Variants in GTF2H1 observed in about 807,000 individuals in gnomAD.
The protein encoded by GTF2H1 is general transcription factor IIH subunit 1, also known as BTF2 p62.
GTF2H1 carries 16 observed loss-of-function variants against 71.2 expected under a neutral mutation model. The observed-to-expected ratio is 0.22, with a 90% confidence interval of 0.15 to 0.34. GTF2H1 has a LOEUF of 0.34. GTF2H1 is among the 10% of genes least tolerant of loss of function. GTF2H1 has a pLI of 1.00. For missense variants in GTF2H1, 498 were observed against 648.2 expected, an observed-to-expected ratio of 0.77 and a Z score of 2.52; for synonymous variants, 215 against 219.0, an observed-to-expected ratio of 0.98 and a Z score of 0.16.
At chr11:18,340,252 C>A (rs527936956) in intron 5 of GTF2H1, among the ~76,000 whole-genome samples, 12 of 151,908 alleles carry the variant, frequency 7.9e-5, no homozygotes, top group Non-Finnish European at 1.5e-4. Flanking sequence ...GCAAGGGGTT[C>A]AAGACTAGCC....
In GTF2H1 at chr11:18,356,794, T is replaced by G. The variant is rs1391809605; in HGVS notation, c.1261-1158T>G. Among the ~76,000 whole-genome samples the G allele has an allele frequency of 6.2e-5, 9 of 146,128 alleles. No individual in the cohort carries two copies. The South Asian group carries it at 7.0e-4, about 11-fold the overall frequency. Reference sequence around the variant, plus strand: ...ACACTGTAGTCAATCTTTGTTTTTTTTTTTTTTTTTTTGCAGTCAGGGTCT... The same window carrying G: ...ACACTGTAGTCAATCTTTGTTTTTTGTTTTTTTTTTTTGCAGTCAGGGTCT... On this transcript the variant is annotated intron_variant, in intron 11 of 14. Coordinates refer to ENST00000265963, the MANE Select transcript of GTF2H1 (RefSeq NM_005316.4).
intron 1 of GTF2H1, among the ~76,000 whole-genome samples, chr11:18,329,746 T>G (rs546960583): frequency 1.9e-4 from 29 of 152,344 alleles, no homozygotes; most frequent in Admixed American, 5.2e-4. Context: ...CTCTGACACC[T>G]GTTTCCCTTT....
intron 3 of GTF2H1, among the ~76,000 whole-genome samples, chr11:18,337,639 A>T (rs1428453053): frequency 6.6e-6 from 1 of 152,182 alleles, no homozygotes; most frequent in Non-Finnish European, 1.5e-5. Context: ...TAATACAAAT[A>T]AAAATATAAC....
rs1865599281 is a variant in GTF2H1, at chr11:18,357,941, A to G, written c.1261-11A>G. 2 of 1,572,894 alleles carry G rather than the reference A, an allele frequency of 1.3e-6. No individual in the cohort carries two copies. Among genetic ancestry groups the G allele is most frequent in the Admixed American group, 1.7e-5 (1 of 59,536 alleles). On this transcript the variant is annotated splice_polypyrimidine_tract_variant and intron_variant, in intron 11 of 14. Transcript: ENST00000265963. ...GGAAAACCAGTTTTAATGCATCTTC[A>G]TTTTTTTCAGGTTCTCTCAAGTAGT...
chr11:18,326,606 A>G (rs535530767), intron 1 of GTF2H1, among the ~76,000 whole-genome samples: 2 of 151,972 alleles, frequency 1.3e-5, no homozygotes, highest in East Asian at 1.9e-4. Context: ...TTCTGTCTTC[A>G]TGCATTTTTT....
intron 1 of GTF2H1, chr11:18,324,290 C>A (rs1864701659): frequency 6.6e-6 from 1 of 152,056 alleles, no homozygotes; most frequent in South Asian, 2.1e-4. Context: ...AGCAGTGCAA[C>A]AGATTGGTAA....
intron 14 of GTF2H1, among the ~76,000 whole-genome samples, chr11:18,363,916 T>C (rs1454773004): frequency 6.6e-6 from 1 of 151,878 alleles, no homozygotes; most frequent in Non-Finnish European, 1.5e-5. Flanking sequence ...CTACTAAAAA[T>C]ACAAAAAATT....
intron 2 of GTF2H1, 63 bp downstream of exon 2, chr11:18,333,291 G>T: frequency 3.3e-6 from 4 of 1,201,106 alleles, no homozygotes; most frequent in Non-Finnish European, 4.7e-6. Flanking sequence ...ATTTTGTAAA[G>T]AGATTATATA....
chr11:18,333,299 A>G (rs1490650520), intron 2 of GTF2H1, 71 bp downstream of exon 2: 9 of 1,091,554 alleles, frequency 8.2e-6, no homozygotes, highest in African/African-American at 1.6e-5. Flanking sequence ...AAGAGATTAT[A>G]TAAATCTTTA....
chr11:18,356,377 C>CAAA (rs771914874), intron 11 of GTF2H1, among the ~76,000 whole-genome samples: 1 of 76,954 alleles, frequency 1.3e-5, no homozygotes, highest in Non-Finnish European at 2.9e-5. Flanking sequence ...GACTCTGTCT[C>CAAA]AAAAAAAAAA....
chr11:18,329,070 A>T (rs1413258862), intron 1 of GTF2H1, among the ~76,000 whole-genome samples: 2 of 152,342 alleles, frequency 1.3e-5, no homozygotes, highest in Non-Finnish European at 2.9e-5. Context: ...GTGAGTAAAA[A>T]TCACAAAATA....
At chr11:18,327,367 T>G (rs1250298729) in intron 1 of GTF2H1, among the ~76,000 whole-genome samples, 1 of 152,034 alleles carries the variant, frequency 6.6e-6, no homozygotes, top group Non-Finnish European at 1.5e-5. Flanking sequence ...ATCTATCCCT[T>G]CATTCGCATA....
At chr11:18,348,268 C>A (rs1865345818) in intron 9 of GTF2H1, 1 of 382,302 alleles carries the variant, frequency 2.6e-6, no homozygotes, top group Non-Finnish European at 4.6e-6. Flanking sequence ...ACCGAAGTTT[C>A]ATGTATATGA....
rs370433341 is a variant in GTF2H1, at chr11:18,358,501, A to T, written c.1352-24A>T. 6.5e-5 allele frequency: 86 copies of T among 1,328,108 alleles called. No homozygotes were observed. In the African/African-American group the frequency reaches 1.2e-3, roughly 18 times the overall value. 82.3% of individuals were successfully genotyped at this position (1,328,108 alleles called of 1,614,324 possible). A position where few individuals can be genotyped will look rare whatever the true frequency, so the allele number is the denominator to read the frequency against. ...TATATGTTAAAATAGCTCTTAACCT[A>T]TGGGCCTTGTTCTTCTTTTGCAGAG... On this transcript the variant is annotated intron_variant, in intron 12 of 14. Transcript: ENST00000265963.
At chr11:18,323,688 A>G (rs1051214339) in intron 1 of GTF2H1, among the ~76,000 whole-genome samples, 2 of 152,158 alleles carry the variant, frequency 1.3e-5, no homozygotes, top group Admixed American at 1.3e-4. Context: ...CTCCCCATGA[A>G]TTTTTATCTG....
chr11:18,348,440 T>C (rs1865350094), intron 9 of GTF2H1: 1 of 158,168 alleles, frequency 6.3e-6, no homozygotes, highest in Admixed American at 6.4e-5. Flanking sequence ...TGCCACGCTA[T>C]TTTGTACCTC....
intron 1 of GTF2H1, among the ~76,000 whole-genome samples, chr11:18,330,753 G>C (rs1864875229): frequency 6.6e-6 from 1 of 152,146 alleles, no homozygotes; most frequent in Non-Finnish European, 1.5e-5. Flanking sequence ...ATACACACTT[G>C]CTCACTGCCC....
chr11:18,335,055 T>C (rs1864991995), intron 2 of GTF2H1, among the ~76,000 whole-genome samples: 1 of 152,214 alleles, frequency 6.6e-6, no homozygotes. Flanking sequence ...ATATCAAACA[T>C]TCTGAATATT....
chr11:18,333,233 G>A lies in GTF2H1; in HGVS notation c.154+5G>A. 6.2e-7 allele frequency: 1 copy of A among 1,602,684 alleles called. No individual in the cohort carries two copies. The highest frequency in any genetic ancestry group is 8.5e-7 in the Non-Finnish European group (1 of 1,172,012). ...ATATGTATGCAGATATTAAATGTAAGTCAGCTATACTAAGTTCTGATGTAT... is the reference window on the plus strand; with the variant it reads ...ATATGTATGCAGATATTAAATGTAAATCAGCTATACTAAGTTCTGATGTAT... On this transcript the variant is annotated splice_donor_5th_base_variant and intron_variant, in intron 2 of 14. Coordinates refer to ENST00000265963, the MANE Select transcript of GTF2H1 (RefSeq NM_005316.4).
Sources: gnomAD v4.1 joint callset for allele counts (sites outside exome capture counted in the v4.1 genomes callset) on GRCh38, gnomAD v4.1.1 for gene constraint, MANE v1.5 for transcripts, NCBI Gene and HGNC (gene_info 2026-07-23, HGNC 2026-07-21) for gene names.